The following FSD1L variants were observed in gnomAD, a reference collection of about 807,000 sequenced individuals.
The protein encoded by FSD1L is fibronectin type III and SPRY domain containing 1 like.
FSD1L carries 45 observed loss-of-function variants against 71.6 expected under a neutral mutation model. The observed-to-expected ratio is 0.63, with a 90% CI of 0.49 to 0.81. The LOEUF (loss-of-function observed/expected upper bound fraction) is 0.81. Among genes scored for constraint, FSD1L ranks in the 30% least tolerant of loss-of-function variants. The pLI, the probability that FSD1L is intolerant of heterozygous loss-of-function variation, is 0.00. For missense variants in FSD1L, 561 were observed against 618.1 expected (o/e 0.91, Z 0.98); for synonymous variants, 197 against 207.2 (o/e 0.95, Z 0.42).
At chr9:105,490,109 A>G (rs1308614082) in intron 7 of FSD1L, among the ~76,000 whole-genome samples, 1 of 152,250 alleles carries the variant, frequency 6.6e-6, no homozygotes, top group African/African-American at 2.4e-5. Context: ...GAACTAGTTT[A>G]CAGTCCCACC....
rs60907043 is a variant in FSD1L at position 105,502,884 on chromosome 9, A to ATT, written c.587-3498_587-3497dup. Among the ~76,000 whole-genome samples, 1,182 of 135,182 alleles carry ATT rather than the reference A, an allele frequency of 8.7e-3. 22 individuals carry two copies. The highest frequency in any genetic ancestry group is 0.03 in the African/African-American group (1,112 of 36,524). 88.7% of individuals were successfully genotyped at this position (135,182 alleles called of 152,430 possible). A position where few individuals can be genotyped will look rare whatever the true frequency, so the allele number is the denominator to read the frequency against. On this transcript the variant is annotated intron_variant, in intron 7 of 13. Coordinates refer to ENST00000481272, the MANE Select transcript of FSD1L (RefSeq NM_001145313.3). The stretch of plus-strand genomic sequence containing the variant: ...CGTCCAGAAGGAAAACTGTAATAAG[A>ATT]TTTTTTTTTTTTTTTTTTGAGACAA...
intron 7 of FSD1L, among the ~76,000 whole-genome samples, chr9:105,489,250 T>C (rs948238682): frequency 7.9e-5 from 12 of 152,130 alleles, no homozygotes; most frequent in African/African-American, 2.2e-4. Flanking sequence ...TATGCCTTTT[T>C]TGGGGCCCAC....
chr9:105,520,458 T>C (rs1835073328), intron 10 of FSD1L: 3 of 1,059,604 alleles, frequency 2.8e-6, no homozygotes, highest in Non-Finnish European at 2.9e-6. Flanking sequence ...TCGAAGCTAG[T>C]CTTAAACAGA....
intron 13 of FSD1L, among the ~76,000 whole-genome samples, chr9:105,542,079 A>C (rs1180975562): frequency 6.6e-6 from 1 of 152,226 alleles, no homozygotes; most frequent in Non-Finnish European, 1.5e-5. Context: ...AATCACTATA[A>C]GCATTTACAT....
chr9:105,522,409 G>A (rs1835228105), intron 10 of FSD1L: 1 of 1,613,942 alleles, frequency 6.2e-7, no homozygotes, highest in Non-Finnish European at 8.5e-7. Context: ...TTTTCTAGAG[G>A]ATGGAGTCGT....
intron 10 of FSD1L, chr9:105,530,761 G>T: frequency 4.0e-6 from 2 of 495,330 alleles, no homozygotes; most frequent in Non-Finnish European, 7.1e-6. Context: ...TGCCTTTTCA[G>T]TTGACAATCA....
intron 10 of FSD1L, among the ~76,000 whole-genome samples, chr9:105,533,449 G>A (rs910507894): frequency 7.5e-3 from 31 of 4,120 alleles, no homozygotes; most frequent in African/African-American, 0.016. Flanking sequence ...TTGAGATGGC[G>A]TCTAGCCCTG....
At chr9:105,469,553 C>T (rs774885883) in intron 4 of FSD1L, among the ~76,000 whole-genome samples, 1 of 151,866 alleles carries the variant, frequency 6.6e-6, no homozygotes, top group African/African-American at 2.4e-5. Flanking sequence ...TGTTTGTTGG[C>T]CATCAATGTA....
chr9:105,450,425 T>G (rs1331037596), intron 1 of FSD1L, among the ~76,000 whole-genome samples: 1 of 152,214 alleles, frequency 6.6e-6, no homozygotes, highest in Non-Finnish European at 1.5e-5. Context: ...TTCTACTATT[T>G]ATAAGCTGTA....
chr9:105,521,502 CA>C (rs1835153636), intron 10 of FSD1L: 1 of 1,613,764 alleles, frequency 6.2e-7, no homozygotes, highest in Non-Finnish European at 8.5e-7. Context: ...GATATTTCGT[CA>C]GGCATTTTTA....
chr9:105,539,239 A>T (rs1375534753), intron 12 of FSD1L, 24 bp from the exon 13 acceptor site: 1 of 1,073,992 alleles, frequency 9.3e-7, no homozygotes, highest in East Asian at 2.6e-5. Flanking sequence ...ATAATAAATT[A>T]GGCTTTTTTT....
chr9:105,520,232 C>T (rs993724984), intron 10 of FSD1L: 3 of 1,609,882 alleles, frequency 1.9e-6, no homozygotes, highest in Non-Finnish European at 2.5e-6. Context: ...GCATCGTCAT[C>T]GAGTTAATGG....
Position 105,552,060 on chromosome 9 carries a change from T to C in FSD1L, c.*5577T>C, listed in dbSNP as rs1448005267. ...CCTGACATATTTGTTTTGCTTTAAA[T>C]TGGATTAAATGGTTTACAGGTTATC... On this transcript the variant is annotated 3_prime_UTR_variant, in exon 14 of 14. Transcript: ENST00000481272. 1 of 152,246 alleles carries C rather than the reference T, an allele frequency of 6.6e-6. No individual in the cohort carries two copies. The highest frequency in any genetic ancestry group is 1.5e-5 in the Non-Finnish European group (1 of 68,036). The allele number at this position is 152,246 out of a possible 1,614,324, so 9.4% of individuals were successfully genotyped here.
At chr9:105,456,336 G>A (rs1781574257) in intron 1 of FSD1L, among the ~76,000 whole-genome samples, 1 of 152,180 alleles carries the variant, frequency 6.6e-6, no homozygotes, top group Non-Finnish European at 1.5e-5. Flanking sequence ...ATTGGAAAAT[G>A]AGGATAATAA....
At chr9:105,479,573 A>G (rs1832034646) in intron 6 of FSD1L, among the ~76,000 whole-genome samples, 197 bp downstream of exon 6, 1 of 152,232 alleles carries the variant, frequency 6.6e-6, no homozygotes, top group East Asian at 1.9e-4. Context: ...AGTTGTGGAT[A>G]ATTATGTGCT....
intron 7 of FSD1L, among the ~76,000 whole-genome samples, chr9:105,493,973 T>C (rs538569536): frequency 2.0e-5 from 3 of 152,346 alleles, no homozygotes; most frequent in South Asian, 2.1e-4. Context: ...CTGACAATTA[T>C]GTGTCTTGGA....
At chr9:105,493,033 G>A (rs1285341860) in intron 7 of FSD1L, among the ~76,000 whole-genome samples, 1 of 152,192 alleles carries the variant, frequency 6.6e-6, no homozygotes, top group Non-Finnish European at 1.5e-5. Flanking sequence ...GTGCAGAGCT[G>A]AGTTGAATTC....
Position 105,550,210 on chromosome 9 carries a change from T to C in FSD1L, c.*3727T>C, listed in dbSNP as rs945637147. ...TTGCCTCTTAAAATTGTTTTGCTAATAAGTCAGAAGTTTAAAATGTGTTAT... is the reference window on the plus strand; with the variant it reads ...TTGCCTCTTAAAATTGTTTTGCTAACAAGTCAGAAGTTTAAAATGTGTTAT... On this transcript the variant is annotated 3_prime_UTR_variant, in exon 14 of 14. Coordinates refer to ENST00000481272, the MANE Select transcript of FSD1L (RefSeq NM_001145313.3). 6.6e-6 allele frequency: 1 copy of C among 151,996 alleles called. No individual in the cohort carries two copies. Among genetic ancestry groups the C allele is most frequent in the South Asian group, 2.1e-4 (1 of 4,836 alleles). 9.4% of individuals were successfully genotyped at this position (151,996 alleles called of 1,614,324 possible).
At chr9:105,452,446 T>C (rs952583639) in intron 1 of FSD1L, among the ~76,000 whole-genome samples, 7 of 152,216 alleles carry the variant, frequency 4.6e-5, no homozygotes, top group African/African-American at 1.7e-4. Flanking sequence ...TAGCAAATAG[T>C]AGTCTGGATT....
Sources: gnomAD v4.1 joint callset for allele counts (sites outside exome capture counted in the v4.1 genomes callset) on GRCh38, gnomAD v4.1.1 for gene constraint, MANE v1.5 for transcripts, NCBI Gene and HGNC (gene_info 2026-07-23, HGNC 2026-07-21) for gene names.